The following CLSTN2 variants were observed in gnomAD, a reference collection of about 807,000 sequenced individuals.
CLSTN2 encodes calsyntenin-2.
In CLSTN2, 48 loss-of-function variants were observed where a neutral mutation model predicts 101.2. That is an observed-to-expected ratio of 0.47 (90% CI 0.38 to 0.60). The LOEUF is 0.60. Ranked by LOEUF, CLSTN2 falls within the 20% of genes least tolerant of loss-of-function variation. The probability of loss-of-function intolerance (pLI) is 0.00; values close to 1 mark genes in which losing one functional copy is unlikely to be tolerated. For missense variants in CLSTN2, 1,160 were observed against 1,238.2 expected (o/e 0.94, Z 0.95); for synonymous variants, 481 against 463.6 (o/e 1.04, Z -0.48).
At chr3:140,114,635 T>C (rs1160394592) in intron 1 of CLSTN2, among the ~76,000 whole-genome samples, 2 of 152,072 alleles carry the variant, frequency 1.3e-5, no homozygotes, top group Admixed American at 1.3e-4. Context: ...TTTCTTCAAA[T>C]GGCTACTGCA....
At chr3:140,463,228 T>C (rs1933604409) in intron 7 of CLSTN2, among the ~76,000 whole-genome samples, 1 of 152,238 alleles carries the variant, frequency 6.6e-6, no homozygotes, top group East Asian at 1.9e-4. Context: ...GCTGGAATCT[T>C]CTTCCCCTGG....
At chr3:140,511,194 T>C (rs1934806196) in intron 8 of CLSTN2, among the ~76,000 whole-genome samples, 1 of 152,232 alleles carries the variant, frequency 6.6e-6, no homozygotes, top group Non-Finnish European at 1.5e-5. Context: ...GCAAAGGACA[T>C]GATCTCACTC....
At chr3:139,942,310 CA>C (rs1935144940) in intron 1 of CLSTN2, among the ~76,000 whole-genome samples, 1 of 152,180 alleles carries the variant, frequency 6.6e-6, no homozygotes, top group African/African-American at 2.4e-5. Flanking sequence ...CACCTCCTGT[CA>C]TGCTTGGCCT....
At chr3:140,304,147 C>T (rs757811889) in intron 2 of CLSTN2, among the ~76,000 whole-genome samples, 7 of 152,160 alleles carry the variant, frequency 4.6e-5, no homozygotes, top group Non-Finnish European at 1.0e-4. Flanking sequence ...GCTATAACTA[C>T]ATGAAACTTC....
At chr3:140,466,825 G>A (rs1420093443) in intron 8 of CLSTN2, 94 bp downstream of exon 8, 1 of 1,520,214 alleles carries the variant, frequency 6.6e-7, no homozygotes, top group African/African-American at 1.4e-5. Flanking sequence ...GCACTGCAAG[G>A]TCCTGACCAC....
chr3:139,964,368 G>A (rs1430461386), intron 1 of CLSTN2, among the ~76,000 whole-genome samples: 1 of 152,184 alleles, frequency 6.6e-6, no homozygotes, highest in Non-Finnish European at 1.5e-5. Flanking sequence ...CCATGTTGGA[G>A]GTCGGTGCAA....
intron 1 of CLSTN2, among the ~76,000 whole-genome samples, chr3:139,975,837 A>G (rs1039632448): frequency 1.3e-5 from 2 of 152,098 alleles, no homozygotes; most frequent in Non-Finnish European, 2.9e-5. Flanking sequence ...CTGCCACAAC[A>G]CAGGAGCTGC....
intron 1 of CLSTN2, among the ~76,000 whole-genome samples, chr3:140,039,328 G>T (rs1345122496): frequency 6.6e-6 from 1 of 150,460 alleles, no homozygotes; most frequent in Non-Finnish European, 1.5e-5. Flanking sequence ...ACTTTTAATG[G>T]TAAAAAAAAC....
chr3:140,349,034 T>A (rs1388539103), intron 2 of CLSTN2, among the ~76,000 whole-genome samples: 1 of 152,214 alleles, frequency 6.6e-6, no homozygotes, highest in Non-Finnish European at 1.5e-5. Flanking sequence ...AAAAATCTCA[T>A]GGGAGGTGAT....
intron 2 of CLSTN2, among the ~76,000 whole-genome samples, chr3:140,336,280 A>C (rs2087438883): frequency 6.6e-6 from 1 of 152,184 alleles, no homozygotes. Flanking sequence ...ACTGATATTC[A>C]TTTCTCCATT....
chr3:140,224,983 C>T (rs755635373), intron 2 of CLSTN2, among the ~76,000 whole-genome samples: 5 of 152,238 alleles, frequency 3.3e-5, no homozygotes, highest in Non-Finnish European at 5.9e-5. Flanking sequence ...AGGGCTTTCC[C>T]TGCTCCACCA....
intron 5 of CLSTN2, among the ~76,000 whole-genome samples, chr3:140,441,534 A>G (rs1487848841): frequency 6.6e-6 from 1 of 152,242 alleles, no homozygotes; most frequent in East Asian, 1.9e-4. Flanking sequence ...AAATTGAGGC[A>G]CAGAGAGGTT....
chr3:140,494,031 C>T (rs1008087636), intron 8 of CLSTN2, among the ~76,000 whole-genome samples: 10 of 152,130 alleles, frequency 6.6e-5, no homozygotes, highest in Non-Finnish European at 8.8e-5. Context: ...TATCTGGACT[C>T]CATACAAGAA....
Position 140,089,536 on chromosome 3 carries a change from C to T in CLSTN2, c.110-86415C>T, listed in dbSNP as rs112003816. On this transcript the variant is annotated intron_variant, in intron 1 of 16. Coordinates refer to ENST00000458420, the MANE Select transcript of CLSTN2 (RefSeq NM_022131.3). ...CCAAAGCAGTAAAGAAATAAAGCCC[C>T]GTGTTTTTGAGGGTGCTCTATTTTG... is the stretch of plus-strand genomic sequence containing the variant. Among the ~76,000 whole-genome samples the T allele has an allele frequency of 1.1e-4, 16 of 152,084 alleles. 1 individual carries two copies. Among genetic ancestry groups the T allele is most frequent in the African/African-American group, 1.7e-4 (7 of 41,516 alleles).
chr3:140,099,205 T>C (rs1033098636), intron 1 of CLSTN2, among the ~76,000 whole-genome samples: 3 of 152,212 alleles, frequency 2.0e-5, no homozygotes, highest in Admixed American at 2.0e-4. Flanking sequence ...CTAGGACTGC[T>C]GTAACAAATT....
At chr3:140,440,938 C>T (rs1009900530) in intron 5 of CLSTN2, among the ~76,000 whole-genome samples, 9 of 152,302 alleles carry the variant, frequency 5.9e-5, no homozygotes, top group South Asian at 2.1e-4. Flanking sequence ...AAAGTTAAGA[C>T]AGCCACAGCA....
At chr3:140,189,635 A>G (rs1263296062) in intron 2 of CLSTN2, among the ~76,000 whole-genome samples, 2 of 152,210 alleles carry the variant, frequency 1.3e-5, no homozygotes, top group Admixed American at 1.3e-4. Context: ...AATTATTTAC[A>G]TATTCTAAGT....
chr3:140,045,143 G>A (rs1323211578), intron 1 of CLSTN2, among the ~76,000 whole-genome samples: 1 of 152,158 alleles, frequency 6.6e-6, no homozygotes, highest in African/African-American at 2.4e-5. Context: ...GAATTCGGCT[G>A]TGAATCCGTC....
intron 1 of CLSTN2, among the ~76,000 whole-genome samples, chr3:139,963,533 T>C (rs767876784): frequency 6.6e-6 from 1 of 152,168 alleles, no homozygotes; most frequent in Non-Finnish European, 1.5e-5. Context: ...TCTCTGGGGT[T>C]ATTTTAGAGC....
Sources: gnomAD v4.1 joint callset for allele counts (sites outside exome capture counted in the v4.1 genomes callset) on GRCh38, gnomAD v4.1.1 for gene constraint, MANE v1.5 for transcripts, NCBI Gene and HGNC (gene_info 2026-07-23, HGNC 2026-07-21) for gene names.